The following SHANK2 variants were observed in gnomAD, a reference collection of about 807,000 sequenced individuals.
SHANK2 encodes SH3 and multiple ankyrin repeat domains protein 2.
SHANK2 carries 43 observed loss-of-function variants against 133.7 expected under a neutral mutation model. The ratio of observed to expected loss-of-function variants is 0.32; its 90% confidence interval spans 0.25 to 0.41. SHANK2 has a LOEUF of 0.41. Ranked by LOEUF, SHANK2 falls within the 10% of genes least tolerant of loss-of-function variation. The pLI, the probability that SHANK2 is intolerant of heterozygous loss-of-function variation, is 1.00. For missense variants in SHANK2, 1,994 were observed against 2,235.8 expected, an observed-to-expected ratio of 0.89 and a Z score of 2.18; for synonymous variants, 1,017 against 952.8, an observed-to-expected ratio of 1.07 and a Z score of -1.24.
chr11:70,875,854 TC>T (rs1247937450), intron 11 of SHANK2, among the ~76,000 whole-genome samples: 5 of 125,268 alleles, frequency 4.0e-5, no homozygotes, highest in African/African-American at 1.9e-4. Flanking sequence ...AGACACTGTT[TC>T]AAAAAAAAAA....
At chr11:70,890,476 TAAAA>T (rs60962829) in intron 11 of SHANK2, among the ~76,000 whole-genome samples, 1 of 142,500 alleles carries the variant, frequency 7.0e-6, no homozygotes. Context: ...CTGTCTCTAC[TAAAA>T]AAAAAAACAA....
intron 17 of SHANK2, among the ~76,000 whole-genome samples, chr11:70,616,882 G>A (rs1483510038): frequency 2.0e-5 from 3 of 152,186 alleles, no homozygotes; most frequent in African/African-American, 7.2e-5. Flanking sequence ...CAAATGCCCC[G>A]CAAAGGGCCA....
At chr11:70,623,785 A>C (rs1554998827) in intron 17 of SHANK2, among the ~76,000 whole-genome samples, 1 of 152,232 alleles carries the variant, frequency 6.6e-6, no homozygotes, top group Non-Finnish European at 1.5e-5. Context: ...CATATCGAGC[A>C]CATGGGACAT....
intron 2 of SHANK2, among the ~76,000 whole-genome samples, chr11:71,150,237 A>G (rs1391427191): frequency 6.6e-5 from 1 of 15,086 alleles, no homozygotes. Flanking sequence ...GAGGGAGGGA[A>G]GGAAGGAGGG....
At chr11:70,873,072 C>T (rs149487879) in intron 11 of SHANK2, 390 of 471,232 alleles carry the variant, frequency 8.3e-4, no homozygotes, top group African/African-American at 7.3e-3. Context: ...TCCCGGGTGG[C>T]GACCCTCAGG....
chr11:70,600,008 G>C (rs1292253428), intron 17 of SHANK2, among the ~76,000 whole-genome samples: 2 of 152,050 alleles, frequency 1.3e-5, no homozygotes, highest in Non-Finnish European at 2.9e-5. Flanking sequence ...AGACAACATT[G>C]TGAAGGGGTT....
chr11:70,844,752 TC>T (rs1279890908), intron 11 of SHANK2, among the ~76,000 whole-genome samples: 2 of 152,216 alleles, frequency 1.3e-5, no homozygotes, highest in African/African-American at 2.4e-5. Context: ...GTGGCACCTT[TC>T]TTCATTTGAA....
chr11:71,131,234 G>A (rs1952299496), intron 3 of SHANK2, among the ~76,000 whole-genome samples: 1 of 152,202 alleles, frequency 6.6e-6, no homozygotes, highest in African/African-American at 2.4e-5. Context: ...GAGGCCCATT[G>A]GGCTGGTGCT....
intron 11 of SHANK2, among the ~76,000 whole-genome samples, chr11:70,842,836 C>T (rs1365996977): frequency 3.3e-5 from 5 of 152,218 alleles, no homozygotes; most frequent in Non-Finnish European, 5.9e-5. Context: ...TCCCTCCACA[C>T]GGTTTCCTCT....
At chr11:71,238,232 A>G (rs972179115) in intron 1 of SHANK2, among the ~76,000 whole-genome samples, 6 of 152,220 alleles carry the variant, frequency 3.9e-5, no homozygotes, top group African/African-American at 1.4e-4. Context: ...CCTGTGTGCA[A>G]ACCTGAGGTC....
intron 2 of SHANK2, among the ~76,000 whole-genome samples, chr11:71,165,281 G>A (rs1457553054): frequency 6.6e-6 from 1 of 152,130 alleles, no homozygotes; most frequent in Admixed American, 6.5e-5. Flanking sequence ...CCATCCGCCC[G>A]CCTTGGCCTC....
chr11:70,762,351 A>G (rs1947013724), intron 14 of SHANK2, among the ~76,000 whole-genome samples: 1 of 152,162 alleles, frequency 6.6e-6, no homozygotes, highest in African/African-American at 2.4e-5. Flanking sequence ...GGGTACTGTC[A>G]GGCTGTCGGT....
intron 12 of SHANK2, among the ~76,000 whole-genome samples, chr11:70,810,636 C>T (rs1176752130): frequency 4.6e-5 from 7 of 152,258 alleles, no homozygotes; most frequent in African/African-American, 1.7e-4. Flanking sequence ...CCAGGCTGAC[C>T]TGCCCCAGCT....
chr11:70,667,374 A>G (rs1944697560), intron 15 of SHANK2, among the ~76,000 whole-genome samples: 1 of 152,166 alleles, frequency 6.6e-6, no homozygotes, highest in Non-Finnish European at 1.5e-5. Flanking sequence ...TATGGGATAC[A>G]CTTGGAGCAC....
At position 70,882,691 on chromosome 11, in the gene SHANK2, C is replaced by A. The variant is rs1469610788; in HGVS notation, c.1174+13810G>T. On this transcript the variant is annotated intron_variant, in intron 11 of 25. Transcript: ENST00000601538. This position sits in a 1 kb window ranked among gnomAD's most constrained non-coding sequence, Gnocchi z 4.2. ...GAGGGGTGGCGGTGCAGGGAGAGGA[C>A]GGTGATCCCCACGGCTTTGCTAAAA... Among the ~76,000 whole-genome samples the A allele has an allele frequency of 1.3e-5, 2 of 152,142 alleles. No individual in the cohort carries two copies. The highest frequency in any genetic ancestry group is 4.8e-5 in the African/African-American group (2 of 41,428).
At chr11:70,824,175 G>A (rs1335179801) in intron 11 of SHANK2, among the ~76,000 whole-genome samples, 34 of 152,068 alleles carry the variant, frequency 2.2e-4, no homozygotes, top group Admixed American at 2.2e-3. Flanking sequence ...GTGACCCGGC[G>A]CACCTTCCCC....
intron 6 of SHANK2, among the ~76,000 whole-genome samples, chr11:71,104,032 C>A (rs1951765589): frequency 6.6e-6 from 1 of 152,016 alleles, no homozygotes; most frequent in South Asian, 2.1e-4. Flanking sequence ...CAGATGCCAC[C>A]AGCTTCCTGT....
chr11:71,189,294 G>C (rs1353239832), intron 2 of SHANK2, among the ~76,000 whole-genome samples: 1 of 152,200 alleles, frequency 6.6e-6, no homozygotes, highest in South Asian at 2.1e-4. Flanking sequence ...TATTCCAGTC[G>C]CTGGTGCCTC....
chr11:71,212,072 T>C (rs908711844), intron 2 of SHANK2, among the ~76,000 whole-genome samples: 16 of 152,232 alleles, frequency 1.1e-4, no homozygotes, highest in Non-Finnish European at 2.2e-4. Flanking sequence ...AAATTCTTCC[T>C]AGATGAGAGC....
Sources: allele counts gnomAD v4.1 joint callset (sites outside exome capture counted in the v4.1 genomes callset), GRCh38; gene constraint gnomAD v4.1.1; non-coding constraint Gnocchi (gnomAD v3.1); transcripts MANE v1.5; gene names NCBI Gene and HGNC (gene_info 2026-07-23, HGNC 2026-07-21).